Variants in TMEM202 observed in about 807,000 individuals in gnomAD.
TMEM202 encodes the protein transmembrane protein 202.
In TMEM202, 25 loss-of-function variants were observed where a neutral mutation model predicts 26.1. The observed-to-expected ratio is 0.96, with a 90% CI of 0.70 to 1.34. TMEM202 has a LOEUF of 1.34. Ranked by LOEUF, TMEM202 falls within the 40% of genes most tolerant of loss-of-function variation. The probability of loss-of-function intolerance (pLI) is 0.00; values close to 1 mark genes in which losing one functional copy is unlikely to be tolerated. For missense variants in TMEM202, 301 were observed against 327.7 expected, an observed-to-expected ratio of 0.92 and a Z score of 0.63; for synonymous variants, 122 against 119.0, an observed-to-expected ratio of 1.02 and a Z score of -0.16.
At position 72,407,724 on chromosome 15, in the gene TMEM202, G is replaced by T. The variant is rs771977232; in HGVS notation, c.653G>T (p.Arg218Ile). 9 of 1,613,784 alleles carry T rather than the reference G, an allele frequency of 5.6e-6. No homozygotes were observed. The East Asian group carries it at 1.8e-4, about 32-fold the overall frequency. The stretch of plus-strand genomic sequence containing the variant: ...TCTCTTCTCAACTACTTAACTTCCA[G>T]ATCGCCTGCCTGTGATGAAAACGTC... ...IISLLNYLTS[R>I]SPACDENVTV... The change falls in exon 5 of 5, where the codon AGA becomes ATA. Residue 218 changes from arginine to isoleucine, a missense_variant. Coordinates refer to ENST00000341689, the MANE Select transcript of TMEM202 (RefSeq NM_001080462.3).
At position 72,408,268 on chromosome 15, in the gene TMEM202, T is replaced by C. The variant is rs888485288; in HGVS notation, c.*375T>C. 2.6e-5 allele frequency among the ~76,000 whole-genome samples: 4 copies of C among 152,184 alleles called. No individual in the cohort carries two copies. The highest frequency in any genetic ancestry group is 9.7e-5 in the African/African-American group (4 of 41,440). On this transcript the variant is annotated 3_prime_UTR_variant, in exon 5 of 5. Transcript: ENST00000341689. ...GAATTTTCTTTATTATGTGTGGCTT[T>C]GGGTATACTCAGGATGGAAAGCACT...
At chr15:72,399,157 G>A (rs903847433) in intron 2 of TMEM202, among the ~76,000 whole-genome samples, 2 of 151,988 alleles carry the variant, frequency 1.3e-5, no homozygotes, top group African/African-American at 2.4e-5. Context: ...TTGGTTTTTC[G>A]AGACAGGCTC....
rs768075602 is a variant in TMEM202 at position 72,407,907 on chromosome 15, C to A, written c.*14C>A. The A allele has an allele frequency of 6.2e-7, 1 of 1,607,436 alleles. No homozygotes were observed. The highest frequency in any genetic ancestry group is 8.5e-7 in the Non-Finnish European group (1 of 1,176,152). On this transcript the variant is annotated 3_prime_UTR_variant, in exon 5 of 5. Transcript: ENST00000341689. The stretch of plus-strand genomic sequence containing the variant: ...CTGTGGTGGTGATAGGAAAACCTAA[C>A]TATAGCTTGTCTTAAAAGCAGGGGA...
chr15:72,404,809 G>A (rs2063563800), intron 2 of TMEM202, among the ~76,000 whole-genome samples: 1 of 152,164 alleles, frequency 6.6e-6, no homozygotes, highest in Admixed American at 6.6e-5. Flanking sequence ...ATAGTCAAGG[G>A]CTATAGACAA....
intron 4 of TMEM202, 116 bp downstream of exon 4, chr15:72,407,333 C>T (rs573475524): frequency 8.1e-7 from 1 of 1,237,300 alleles, no homozygotes; most frequent in South Asian, 1.4e-5. Context: ...AACACTGATA[C>T]TTGGAGAGTC....
intron 4 of TMEM202, among the ~76,000 whole-genome samples, 157 bp from the exon 5 acceptor site, chr15:72,407,534 A>C (rs1448593943): frequency 6.6e-6 from 1 of 152,158 alleles, no homozygotes; most frequent in Non-Finnish European, 1.5e-5. Flanking sequence ...ATTATAATGC[A>C]ATTAGAGCAC....
Position 72,407,420 on chromosome 15 carries a change from A to T in TMEM202, c.619+203A>T, listed in dbSNP as rs188311655. On this transcript the variant is annotated intron_variant, in intron 4 of 4. Coordinates refer to ENST00000341689, the MANE Select transcript of TMEM202 (RefSeq NM_001080462.3). ...TAGTAACCTGCTCTATCACAAAGTG[A>T]GGCATGGACAAGTTGAGTAACTTGC... Among the ~76,000 whole-genome samples, 8 of 152,302 alleles carry T rather than the reference A, an allele frequency of 5.3e-5. No individual in the cohort carries two copies. In the East Asian group the frequency reaches 1.5e-3, roughly 29 times the overall value.
chr15:72,404,661 G>T (rs978896337), intron 2 of TMEM202, among the ~76,000 whole-genome samples: 5 of 152,020 alleles, frequency 3.3e-5, no homozygotes, highest in Non-Finnish European at 7.4e-5. Context: ...GTGATACCCC[G>T]GTCAAACTTT....
chr15:72,402,001 T>C (rs138396519), intron 2 of TMEM202, among the ~76,000 whole-genome samples: 3,901 of 152,246 alleles, frequency 0.026, 154 homozygotes, highest in African/African-American at 0.069. Context: ...AATCTCATTC[T>C]GTCACCCAGG....
At chr15:72,402,568 T>G (rs934187994) in intron 2 of TMEM202, among the ~76,000 whole-genome samples, 1 of 152,236 alleles carries the variant, frequency 6.6e-6, no homozygotes, top group Non-Finnish European at 1.5e-5. Flanking sequence ...AAGGACAGTA[T>G]TCTTCACTTT....
rs1333870760 is a variant in TMEM202 at position 72,408,133 on chromosome 15, T to G, written c.*240T>G. On this transcript the variant is annotated 3_prime_UTR_variant, in exon 5 of 5. Coordinates refer to ENST00000341689, the MANE Select transcript of TMEM202 (RefSeq NM_001080462.3). Reference sequence around the variant, plus strand: ...AAACAACAATGTTTAGAGTCATGAATGAAAGAAACTAGTGAAAGATGCAGT... The same window carrying G: ...AAACAACAATGTTTAGAGTCATGAAGGAAAGAAACTAGTGAAAGATGCAGT... 2.4e-5 allele frequency: 11 copies of G among 454,790 alleles called. No homozygotes were observed. The East Asian group carries it at 4.5e-4, about 18-fold the overall frequency. 28.2% of individuals were successfully genotyped at this position (454,790 alleles called of 1,614,324 possible).
chr15:72,406,596 A>G lies in TMEM202; in HGVS notation c.338-6A>G. Reference sequence around the variant, plus strand: ...CCACGGTCTTCCTTTCCTCTTCTTCATGCAGATTATCTCCAATATTCCAGG... The same window carrying G: ...CCACGGTCTTCCTTTCCTCTTCTTCGTGCAGATTATCTCCAATATTCCAGG... On this transcript the variant is annotated splice_region_variant and splice_polypyrimidine_tract_variant and intron_variant, in intron 2 of 4. Transcript: ENST00000341689. 1 of 1,613,320 alleles carries G rather than the reference A, an allele frequency of 6.2e-7. No homozygotes were observed.
At position 72,398,376 on chromosome 15, in the gene TMEM202, C is replaced by A. The variant is rs150902792; in HGVS notation, c.50C>A (p.Pro17His). Residue 17 changes from proline (P) to histidine (H), a missense_variant, in exon 1 of 5, where the codon CCC becomes CAC. By Grantham distance (77) the Pro-to-His change is moderately conservative (BLOSUM62 -2). Transcript: ENST00000341689. Reference sequence around the variant, plus strand: ...TTGACTTTCCACAGTCCTGAGGTTCCCAAAATAAAGGGGAACCGGAAATAC... The same window carrying A: ...TTGACTTTCCACAGTCCTGAGGTTCACAAAATAAAGGGGAACCGGAAATAC... ...LTLTFHSPEV[P>H]KIKGNRKYQR... 43 of 1,612,802 alleles carry A rather than the reference C, an allele frequency of 2.7e-5. No individual in the cohort carries two copies. In the African/African-American group the frequency reaches 5.3e-4, roughly 20 times the overall value.
chr15:72,402,144 T>G (rs752903906), intron 2 of TMEM202, among the ~76,000 whole-genome samples: 6 of 152,038 alleles, frequency 3.9e-5, no homozygotes, highest in Non-Finnish European at 7.4e-5. Flanking sequence ...TTTTGTGTTT[T>G]TAGTAGAGAT....
chr15:72,408,006 C>G lies in TMEM202; in HGVS notation c.*113C>G. On this transcript the variant is annotated 3_prime_UTR_variant, in exon 5 of 5. Transcript: ENST00000341689. ...ATCATGTCCATATTACTTGAGGAGA[C>G]AGCATTAAAGCTGATGAAATGTCTT... 2.4e-6 allele frequency: 2 copies of G among 821,790 alleles called. No individual in the cohort carries two copies. Among genetic ancestry groups the G allele is most frequent in the Non-Finnish European group, 3.8e-6 (2 of 526,156 alleles). 50.9% of individuals were successfully genotyped at this position (821,790 alleles called of 1,614,324 possible).
chr15:72,403,333 G>A (rs189009728), intron 2 of TMEM202, among the ~76,000 whole-genome samples: 6 of 152,240 alleles, frequency 3.9e-5, no homozygotes, highest in African/African-American at 1.4e-4. Context: ...TTTTTCAGAT[G>A]ATTTGTACTT....
At chr15:72,405,595 T>C (rs2063567042) in intron 2 of TMEM202, among the ~76,000 whole-genome samples, 1 of 152,114 alleles carries the variant, frequency 6.6e-6, no homozygotes, top group South Asian at 2.1e-4. Context: ...GATAGGACTT[T>C]GGGGGACTCT....
rs765499747 is a variant in TMEM202, at chr15:72,407,855, A to T, written c.784A>T (p.Arg262Ter). The T allele has an allele frequency of 1.2e-6, 2 of 1,614,076 alleles. No homozygotes were observed. The highest frequency in any genetic ancestry group is 1.7e-6 in the Non-Finnish European group (2 of 1,180,020). Reference sequence around the variant, plus strand: ...GTCTGAGATGGAATCTCTAAGTGTGAGAGAGAAAAATTTACCAAAGTCAGG... The same window carrying T: ...GTCTGAGATGGAATCTCTAAGTGTGTGAGAGAAAAATTTACCAAAGTCAGG... ...PRSEMESLSV[R>*]EKNLPKSGLW... Residue 262 changes from arginine (R) to a stop codon, truncating the protein, a stop_gained, in exon 5 of 5, where the codon AGA (arginine) becomes TGA (stop). Coordinates refer to ENST00000341689, the MANE Select transcript of TMEM202 (RefSeq NM_001080462.3). LOFTEE classifies it low-confidence loss of function (END_TRUNC).
At position 72,408,184 on chromosome 15, in the gene TMEM202, A is replaced by G. The variant is rs1031103349; in HGVS notation, c.*291A>G. Among the ~76,000 whole-genome samples the G allele has an allele frequency of 1.3e-5, 2 of 152,214 alleles. No individual in the cohort carries two copies. Among genetic ancestry groups the G allele is most frequent in the Non-Finnish European group, 2.9e-5 (2 of 68,032 alleles). On this transcript the variant is annotated 3_prime_UTR_variant, in exon 5 of 5. Transcript: ENST00000341689. ...GTGTAGACCAGAGACCTCTTTGGGT[A>G]TCAGGGATCTCATGGACCAGAATGG...
Sources: gnomAD v4.1 joint callset for allele counts (sites outside exome capture counted in the v4.1 genomes callset) on GRCh38, gnomAD v4.1.1 for gene constraint, MANE v1.5 for transcripts, NCBI Gene and HGNC (gene_info 2026-07-23, HGNC 2026-07-21) for gene names.